DCAF17: variants seen among roughly 807,000 people sequenced by gnomAD.
DCAF17 encodes DDB1- and CUL4-associated factor 17.
In DCAF17, 48 loss-of-function variants were observed where a neutral mutation model predicts 66.0. That is an observed-to-expected ratio of 0.73 (90% CI 0.58 to 0.92). The LOEUF is 0.92. Among genes scored for constraint, DCAF17 ranks in the 40% least tolerant of loss-of-function variants. The pLI is 0.00. For synonymous variants in DCAF17, 206 were observed against 214.6 expected (o/e 0.96, Z 0.35); for missense variants, 562 against 622.8 (o/e 0.90, Z 1.04).
intron 6 of DCAF17, among the ~76,000 whole-genome samples, chr2:171,455,658 C>T (rs955037123): frequency 2.6e-5 from 4 of 152,214 alleles, no homozygotes; most frequent in Non-Finnish European, 5.9e-5. Flanking sequence ...CTTTTCTCCA[C>T]AACCTTGCCA....
rs1160327691 is a variant in DCAF17, at chr2:171,482,162, G to T, written c.*1048G>T. On this transcript the variant is annotated 3_prime_UTR_variant, in exon 14 of 14. Coordinates refer to ENST00000375255, the MANE Select transcript of DCAF17 (RefSeq NM_025000.4). ...GTTAAATAAAGGCAACCCAAGTAAA[G>T]GGAGAAAATGTTTCTTTGTGCTTCC... 2.2e-6 allele frequency: 1 copy of T among 450,198 alleles called. No homozygotes were observed. The highest frequency in any genetic ancestry group is 2.4e-5 in the Admixed American group (1 of 42,132). The allele number at this position is 450,198 out of a possible 1,614,324, so 27.9% of individuals were successfully genotyped here. A position where few individuals can be genotyped will look rare whatever the true frequency, so the allele number is the denominator to read the frequency against.
chr2:171,469,728 C>T (rs950386274), intron 9 of DCAF17, among the ~76,000 whole-genome samples: 8 of 152,104 alleles, frequency 5.3e-5, no homozygotes, highest in Non-Finnish European at 7.4e-5. Flanking sequence ...GTATTAAGTA[C>T]AGTGATTGTG....
intron 3 of DCAF17, among the ~76,000 whole-genome samples, chr2:171,445,941 C>T (rs1694596259): frequency 6.6e-6 from 1 of 152,074 alleles, no homozygotes; most frequent in Non-Finnish European, 1.5e-5. Context: ...CCTTGGCCTC[C>T]CAAAGTGCTG....
At chr2:171,447,028 C>T (rs1053945317) in intron 3 of DCAF17, among the ~76,000 whole-genome samples, 2 of 152,024 alleles carry the variant, frequency 1.3e-5, no homozygotes, top group East Asian at 1.9e-4. Context: ...ATTTCAGCTT[C>T]GTAGAGATTT....
At chr2:171,446,241 T>G (rs1191830260) in intron 3 of DCAF17, among the ~76,000 whole-genome samples, 1 of 152,062 alleles carries the variant, frequency 6.6e-6, no homozygotes, top group African/African-American at 2.4e-5. Flanking sequence ...ATTCCAACCC[T>G]CTTATAAGAA....
intron 8 of DCAF17, among the ~76,000 whole-genome samples, chr2:171,460,481 A>T (rs1325081939): frequency 6.6e-6 from 1 of 151,440 alleles, no homozygotes; most frequent in Non-Finnish European, 1.5e-5. Flanking sequence ...TAAGGGTGAC[A>T]CTCTGCTACT....
chr2:171,454,660 G>C (rs1169374502), intron 6 of DCAF17, among the ~76,000 whole-genome samples: 2 of 151,942 alleles, frequency 1.3e-5, no homozygotes, highest in Non-Finnish European at 2.9e-5. Flanking sequence ...ACTTTGGGAG[G>C]CTGAGGCAGG....
In DCAF17 at chr2:171,483,809, C is replaced by G. The variant is rs1696841771; in HGVS notation, c.*2695C>G. ...GTACAAATGAGGAAAGTGAGGCTCA[C>G]AGAAGTTAATTGGCCCAGGGTCCCA... On this transcript the variant is annotated 3_prime_UTR_variant, in exon 14 of 14. Coordinates refer to ENST00000375255, the MANE Select transcript of DCAF17 (RefSeq NM_025000.4). 2 of 453,888 alleles carry G rather than the reference C, an allele frequency of 4.4e-6. No homozygotes were observed. The highest frequency in any genetic ancestry group is 4.0e-5 in the African/African-American group (2 of 49,966). 28.1% of individuals were successfully genotyped at this position (453,888 alleles called of 1,614,324 possible). A position where few individuals can be genotyped will look rare whatever the true frequency, so the allele number is the denominator to read the frequency against.
rs1696866762 is a variant in DCAF17, at chr2:171,484,357, C to T, written c.*3243C>T. The T allele has an allele frequency of 2.6e-6, 1 of 391,212 alleles. No individual in the cohort carries two copies. The highest frequency in any genetic ancestry group is 2.1e-5 in the African/African-American group (1 of 47,106). The allele number at this position is 391,212 out of a possible 1,614,324, so 24.2% of individuals were successfully genotyped here. A position where few individuals can be genotyped will look rare whatever the true frequency, so the allele number is the denominator to read the frequency against. On this transcript the variant is annotated 3_prime_UTR_variant, in exon 14 of 14. Coordinates refer to ENST00000375255, the MANE Select transcript of DCAF17 (RefSeq NM_025000.4). ...AGATAAGACCTACTGAGGTCTTTTT[C>T]CCATCATTTTATTATGAAAAATGTT... is the stretch of plus-strand genomic sequence containing the variant.
chr2:171,468,805 A>G, intron 8 of DCAF17, 83 bp from the exon 9 acceptor site: 1 of 1,559,602 alleles, frequency 6.4e-7, no homozygotes, highest in East Asian at 2.2e-5. Flanking sequence ...TGTTGCATGC[A>G]AAGAAAGGTT....
chr2:171,438,392 T>G (rs1229669779), intron 2 of DCAF17, among the ~76,000 whole-genome samples: 7 of 152,212 alleles, frequency 4.6e-5, no homozygotes, highest in Non-Finnish European at 8.8e-5. Flanking sequence ...TCAGTTTAAG[T>G]ATATGCATAA....
At chr2:171,441,764 T>C (rs1472773715) in intron 2 of DCAF17, among the ~76,000 whole-genome samples, 2 of 152,212 alleles carry the variant, frequency 1.3e-5, no homozygotes, top group African/African-American at 2.4e-5. Context: ...TGAGCAGTAG[T>C]AGGTTTTCTT....
chr2:171,455,799 A>G (rs1414050779), intron 6 of DCAF17, among the ~76,000 whole-genome samples: 1 of 152,014 alleles, frequency 6.6e-6, no homozygotes, highest in Non-Finnish European at 1.5e-5. Flanking sequence ...CTTGTTGGCC[A>G]CATGTATGCC....
chr2:171,434,626 G>C lies in DCAF17; in HGVS notation c.49G>C (p.Ala17Pro), dbSNP rs758543435. Residue 17 changes from alanine to proline, a missense_variant, in exon 1 of 14, where the codon GCG becomes CCG. Coordinates refer to ENST00000375255, the MANE Select transcript of DCAF17 (RefSeq NM_025000.4). ...PNVCSRLSRR[A>P]LGCFSRDAGV... ...CGTGTGCAGCCGGCTGAGTCGCCGG[G>C]CGCTGGGCTGCTTCTCGCGCGACGC... 1.3e-6 allele frequency: 2 copies of C among 1,531,514 alleles called. No homozygotes were observed. Among genetic ancestry groups the C allele is most frequent in the South Asian group, 1.2e-5 (1 of 83,716 alleles). The allele number at this position is 1,531,514 out of a possible 1,614,324, so 94.9% of individuals were successfully genotyped here. A position where few individuals can be genotyped will look rare whatever the true frequency, so the allele number is the denominator to read the frequency against.
Position 171,434,709 on chromosome 2 carries a change from C to G in DCAF17, c.126+6C>G, listed in dbSNP as rs959045013. 1.4e-6 allele frequency: 2 copies of G among 1,461,410 alleles called. No homozygotes were observed. Among genetic ancestry groups the G allele is most frequent in the Middle Eastern group, 2.2e-4 (1 of 4,518 alleles). The allele number at this position is 1,461,410 out of a possible 1,614,324, so 90.5% of individuals were successfully genotyped here. On this transcript the variant is annotated splice_donor_region_variant and intron_variant, in intron 1 of 13. Coordinates refer to ENST00000375255, the MANE Select transcript of DCAF17 (RefSeq NM_025000.4). Reference sequence around the variant, plus strand: ...TGCGGGCGCTGGTGTGCCAGGTGACCGCCAGCCGGCCGGGGCGGGACGGAG... The same window carrying G: ...TGCGGGCGCTGGTGTGCCAGGTGACGGCCAGCCGGCCGGGGCGGGACGGAG...
chr2:171,460,437 G>T (rs144883256), intron 8 of DCAF17, among the ~76,000 whole-genome samples: 2 of 151,658 alleles, frequency 1.3e-5, no homozygotes, highest in African/African-American at 4.8e-5. Flanking sequence ...AAAGAAGACT[G>T]GATTTGGGAT....
In DCAF17 at chr2:171,484,129, T is replaced by C. The variant is rs1696858736; in HGVS notation, c.*3015T>C. ...TTAAAAGGTACTTTCCCTTTGTTTG[T>C]GGTGATAATCAGTATTAGTAGTTTT... On this transcript the variant is annotated 3_prime_UTR_variant, in exon 14 of 14. Transcript: ENST00000375255. The C allele has an allele frequency of 2.2e-6, 1 of 452,706 alleles. No homozygotes were observed. The highest frequency in any genetic ancestry group is 4.4e-6 in the Non-Finnish European group (1 of 226,494). The allele number at this position is 452,706 out of a possible 1,614,324, so 28.0% of individuals were successfully genotyped here. A position where few individuals can be genotyped will look rare whatever the true frequency, so the allele number is the denominator to read the frequency against.
chr2:171,452,984 CTAGA>C (rs2105761162), intron 5 of DCAF17, 136 bp from the exon 6 acceptor site: 2 of 526,334 alleles, frequency 3.8e-6, no homozygotes, highest in East Asian at 3.0e-5. Flanking sequence ...ACTTTGCAAT[CTAGA>C]TAGATGGTTG....
chr2:171,458,532 A>G (rs1475571867), intron 8 of DCAF17, 55 bp downstream of exon 8: 4 of 1,285,726 alleles, frequency 3.1e-6, no homozygotes, highest in African/African-American at 3.0e-5. Context: ...GGTCATATAA[A>G]TAGTTATTAA....
Sources: allele counts gnomAD v4.1 joint callset (sites outside exome capture counted in the v4.1 genomes callset), GRCh38; gene constraint gnomAD v4.1.1; transcripts MANE v1.5; gene names NCBI Gene and HGNC (gene_info 2026-07-23, HGNC 2026-07-21).